The following XKR9 variants were observed in gnomAD, a reference collection of about 807,000 sequenced individuals.
XKR9 encodes the protein XK-related protein 9.
Under a neutral mutation model 32.0 loss-of-function variants are expected in XKR9, and 32 were observed. That is an observed-to-expected ratio of 1.00 (90% CI 0.76 to 1.34). The LOEUF (loss-of-function observed/expected upper bound fraction) is 1.34, where lower values mean the gene tolerates loss of function less well. XKR9 is among the 40% of genes most tolerant of loss of function. The pLI, the probability that XKR9 is intolerant of heterozygous loss-of-function variation, is 0.00. For synonymous variants in XKR9, 168 were observed against 143.4 expected, an observed-to-expected ratio of 1.17 and a Z score of -1.22; for missense variants, 546 against 429.7, an observed-to-expected ratio of 1.27 and a Z score of -2.39.
chr8:70,669,760 G>A (rs1273434042), intron 1 of XKR9, among the ~76,000 whole-genome samples: 1 of 148,274 alleles, frequency 6.7e-6, no homozygotes, highest in Non-Finnish European at 1.5e-5. Flanking sequence ...CCCGCCTCCC[G>A]GGTTCACGCC....
downstream of XKR9, among the ~76,000 whole-genome samples, chr8:70,793,589 C>T (rs575383442): frequency 1.3e-5 from 2 of 152,094 alleles, no homozygotes; most frequent in East Asian, 1.9e-4. Context: ...TATAAATTAC[C>T]CAGTTTCAGG....
chr8:70,982,734 C>T, the XKR9 span, among the ~76,000 whole-genome samples: 1 of 151,906 alleles, frequency 6.6e-6, no homozygotes, highest in African/African-American at 2.4e-5. Context: ...ATGTTCCTGC[C>T]GTAGTTCTTA....
At chr8:70,785,094 C>T (rs1807665190) in intron 2 of XKR9, among the ~76,000 whole-genome samples, 1 of 151,772 alleles carries the variant, frequency 6.6e-6, no homozygotes, top group South Asian at 2.1e-4. Flanking sequence ...GGTATTAGTT[C>T]TTTAAATGTT....
rs1806852120 is a variant in XKR9 at position 70,735,914 on chromosome 8, C to T, written c.*1490C>T. Reference sequence around the variant, plus strand: ...GTCTTTGCTATTGTGAATAGTGCTGCAATAAACATACGTGTGCATGTGTCT... The same window carrying T: ...GTCTTTGCTATTGTGAATAGTGCTGTAATAAACATACGTGTGCATGTGTCT... On this transcript the variant is annotated 3_prime_UTR_variant, in exon 5 of 5. Transcript: ENST00000408926. 1 of 151,804 alleles carries T rather than the reference C, an allele frequency of 6.6e-6. No individual in the cohort carries two copies. The allele number at this position is 151,804 out of a possible 1,614,324, so 9.4% of individuals were successfully genotyped here.
At chr8:70,980,627 A>T in the XKR9 span, among the ~76,000 whole-genome samples, 3 of 152,136 alleles carry the variant, frequency 2.0e-5, no homozygotes, top group African/African-American at 7.2e-5. Context: ...ATTTAAATTC[A>T]ATGTTATTAT....
chr8:70,989,098 A>G, the XKR9 span, among the ~76,000 whole-genome samples: 2 of 152,138 alleles, frequency 1.3e-5, no homozygotes, highest in East Asian at 3.9e-4. Flanking sequence ...CCTCTTGGCT[A>G]TTGTGAATAA....
chr8:70,794,759 G>T (rs997725334), downstream of XKR9, among the ~76,000 whole-genome samples: 5 of 150,074 alleles, frequency 3.3e-5, no homozygotes, highest in African/African-American at 1.2e-4. Flanking sequence ...TGTTTGATTG[G>T]CTAGTATTTT....
the XKR9 span, among the ~76,000 whole-genome samples, chr8:70,852,385 G>C: frequency 2.6e-5 from 4 of 152,140 alleles, no homozygotes; most frequent in Non-Finnish European, 4.4e-5. Flanking sequence ...ATTCCTCAAG[G>C]ATCTAGAACT....
chr8:70,889,938 T>G, the XKR9 span, among the ~76,000 whole-genome samples: 1 of 152,058 alleles, frequency 6.6e-6, no homozygotes, highest in Non-Finnish European at 1.5e-5. Context: ...ATATACCCAG[T>G]AATGGGACTG....
At chr8:70,767,392 T>C (rs1164416261) in intron 2 of XKR9, among the ~76,000 whole-genome samples, 1 of 152,000 alleles carries the variant, frequency 6.6e-6, no homozygotes, top group Non-Finnish European at 1.5e-5. Flanking sequence ...TGCGTAGAGG[T>C]GTTTATAGTA....
the XKR9 span, among the ~76,000 whole-genome samples, chr8:70,830,553 T>TGTC: frequency 1.3e-5 from 2 of 152,112 alleles, no homozygotes; most frequent in Non-Finnish European, 1.5e-5. Context: ...TGCCACTGCC[T>TGTC]TCCAGCCTGG....
the XKR9 span, among the ~76,000 whole-genome samples, chr8:70,973,196 G>A: frequency 3.3e-5 from 5 of 152,030 alleles, no homozygotes; most frequent in African/African-American, 1.2e-4. Context: ...ATCTAGAAGG[G>A]TTGTATATTT....
chr8:70,935,660 T>C, the XKR9 span, among the ~76,000 whole-genome samples: 417 of 152,194 alleles, frequency 2.7e-3, no homozygotes, highest in African/African-American at 9.5e-3. Context: ...GTCTGGTATA[T>C]TTCTAAAAGG....
At chr8:70,699,551 T>C (rs550398876) in intron 3 of XKR9, among the ~76,000 whole-genome samples, 4 of 152,228 alleles carry the variant, frequency 2.6e-5, no homozygotes, top group South Asian at 4.1e-4. Context: ...CTGAGAGATC[T>C]GCTGTTAGTC....
chr8:70,777,115 C>T (rs1807536528), intron 2 of XKR9, among the ~76,000 whole-genome samples: 1 of 151,514 alleles, frequency 6.6e-6, no homozygotes, highest in Admixed American at 6.6e-5. Context: ...CCAGACCCCA[C>T]CCCGTGACTG....
intron 3 of XKR9, 98 bp downstream of exon 3, chr8:70,681,428 CTTA>C (rs71560435): frequency 0.38 from 535,963 of 1,399,866 alleles, 110,351 homozygotes; most frequent in Non-Finnish European, 0.43. Context: ...ACAAAGATCC[CTTA>C]TTTGCATGAA....
the XKR9 span, among the ~76,000 whole-genome samples, chr8:70,973,712 C>A: frequency 6.6e-6 from 1 of 152,140 alleles, no homozygotes; most frequent in African/African-American, 2.4e-5. Context: ...TTGATTTCAT[C>A]ATTTACCCAA....
intron 2 of XKR9, among the ~76,000 whole-genome samples, chr8:70,765,512 A>T (rs1282433888): frequency 2.0e-5 from 3 of 152,066 alleles, no homozygotes; most frequent in Non-Finnish European, 2.9e-5. Context: ...ATTTTCTCCC[A>T]TTCTGTAGGT....
chr8:70,779,511 A>T (rs1330231259), intron 2 of XKR9, among the ~76,000 whole-genome samples: 1 of 152,122 alleles, frequency 6.6e-6, no homozygotes, highest in Non-Finnish European at 1.5e-5. Context: ...ATTGTTTGGA[A>T]TAGTTTCGGA....
Sources: allele counts gnomAD v4.1 joint callset (sites outside exome capture counted in the v4.1 genomes callset), GRCh38; gene constraint gnomAD v4.1.1; transcripts MANE v1.5; gene names NCBI Gene and HGNC (gene_info 2026-07-23, HGNC 2026-07-21).